The following ZNF99 variants were observed in gnomAD, a reference collection of about 807,000 sequenced individuals.
ZNF99 encodes the protein zinc finger protein ENSP00000375192.
In ZNF99, 8 loss-of-function variants were observed where a neutral mutation model predicts 12.8. The ratio of observed to expected loss-of-function variants is 0.62; its 90% CI spans 0.37 to 1.13. The LOEUF (loss-of-function observed/expected upper bound fraction) is 1.13. ZNF99 is among the 50% of genes most tolerant of loss of function. The pLI is 0.02. For synonymous variants in ZNF99, 318 were observed against 319.0 expected (o/e 1.00, Z 0.03); for missense variants, 1,007 against 1,006.2 (o/e 1.00, Z -0.01).
intron 1 of ZNF99, among the ~76,000 whole-genome samples, chr19:22,780,214 A>T (rs1446007822): frequency 6.6e-6 from 1 of 152,134 alleles, no homozygotes; most frequent in African/African-American, 2.4e-5. Flanking sequence ...TTTAATCTTC[A>T]TGTCAGAGTT....
At position 22,757,699 on chromosome 19, in the gene ZNF99, T is replaced by G. The variant is rs369540790; in HGVS notation, c.2210A>C (p.Glu737Ala). 5.6e-6 allele frequency: 9 copies of G among 1,612,168 alleles called. No individual in the cohort carries two copies. In the African/African-American group the frequency reaches 8.0e-5, roughly 14 times the overall value. Reference protein sequence around the residue: ...HTGEKPYKCEECGKAFKWSSK... With the variant: ...HTGEKPYKCEACGKAFKWSSK... ...GGACCACTTAAAAGCTTTACCACAT[T>G]CTTCACATTTGTAGGGTTTCTCTCC... is the stretch of plus-strand genomic sequence containing the variant. Residue 737 changes from glutamate to alanine, a missense_variant, in exon 4 of 4, where the codon GAA becomes GCA. Coordinates refer to ENST00000596209, the MANE Select transcript of ZNF99 (RefSeq NM_001080409.3).
At position 22,757,406 on chromosome 19, in the gene ZNF99, G is replaced by T. The variant is rs1260131914; in HGVS notation, c.2503C>A (p.His835Asn). ...AFQWSSKLTL[H>N]KVIHMERNPA... is the part of the protein sequence containing the mutation. ...TTTCTCTCCATATGAATTACCTTAT[G>T]TAAAGTAAGTTTTGAGGACCACTGA... is the stretch of plus-strand genomic sequence containing the variant. Residue 835 changes from histidine (H) to asparagine (N), a missense_variant, in exon 4 of 4, where the codon CAT becomes AAT. Transcript: ENST00000596209. 5.6e-6 allele frequency: 9 copies of T among 1,604,818 alleles called. No homozygotes were observed. Among genetic ancestry groups the T allele is most frequent in the Non-Finnish European group, 7.6e-6 (9 of 1,177,828 alleles).
intron 3 of ZNF99, among the ~76,000 whole-genome samples, chr19:22,760,055 T>C (rs568892624): frequency 6.6e-5 from 10 of 152,204 alleles, no homozygotes; most frequent in African/African-American, 2.4e-4. Context: ...CCCAGCACTT[T>C]TGGAGGCTGA....
In ZNF99 at chr19:22,784,046, TA is replaced by T; in HGVS notation, c.-31del. 6.2e-7 allele frequency: 1 copy of T among 1,613,332 alleles called. No individual in the cohort carries two copies. ...AAGCTTCCAGGGGGTCCTGGCGTCC[TA>T]GCTGTGGATCTCCAAATACCTACAG... is the stretch of plus-strand genomic sequence containing the variant. On this transcript the variant is annotated 5_prime_UTR_variant, in exon 1 of 4. Transcript: ENST00000596209.
intron 2 of ZNF99, among the ~76,000 whole-genome samples, chr19:22,768,916 C>A (rs1283481443): frequency 1.3e-5 from 2 of 151,766 alleles, no homozygotes; most frequent in Non-Finnish European, 2.9e-5. Flanking sequence ...GTAATCCCAG[C>A]TACTCAGGAG....
intron 2 of ZNF99, 92 bp downstream of exon 2, chr19:22,769,106 G>C (rs1973236965): frequency 7.4e-7 from 1 of 1,347,598 alleles, no homozygotes; most frequent in South Asian, 1.3e-5. Context: ...ACTTATTTAT[G>C]CTAAGCATAA....
At chr19:22,765,758 T>G (rs180989841) in intron 3 of ZNF99, among the ~76,000 whole-genome samples, 4 of 150,784 alleles carry the variant, frequency 2.7e-5, no homozygotes, top group Admixed American at 1.3e-4. Flanking sequence ...GCCAAGGTAG[T>G]CAGAAAACTT....
chr19:22,769,274 C>G lies in ZNF99; in HGVS notation c.54G>C (p.Trp18Cys). ...DVTIEFALEE[W>C]QCLDMAQQNL... ...TCTGCTGAGCCATGTCCAGGCATTG[C>G]CACTCCTCCAGAGCGAATTCTATGG... is the stretch of plus-strand genomic sequence containing the variant. Residue 18 changes from tryptophan (W) to cysteine (C), a missense_variant, in exon 2 of 4, where the codon TGG (tryptophan) becomes TGC (cysteine). Coordinates refer to ENST00000596209, the MANE Select transcript of ZNF99 (RefSeq NM_001080409.3). 6.2e-7 allele frequency: 1 copy of G among 1,609,722 alleles called. No homozygotes were observed. Among genetic ancestry groups the G allele is most frequent in the Non-Finnish European group, 8.5e-7 (1 of 1,177,630 alleles).
chr19:22,784,009 C>G lies in ZNF99; in HGVS notation c.3+5G>C, dbSNP rs780335519. 1.9e-6 allele frequency: 3 copies of G among 1,613,908 alleles called. No homozygotes were observed. The highest frequency in any genetic ancestry group is 2.5e-6 in the Non-Finnish European group (3 of 1,179,992). On this transcript the variant is annotated splice_donor_5th_base_variant and intron_variant, in intron 1 of 3. Transcript: ENST00000596209. ...TTCTCAGGATATCGGACCCGGCACT[C>G]TCACCATTTCTAAGCTTCCAGGGGG...
rs987921870 is a variant in ZNF99 at position 22,759,057 on chromosome 19, T to A, written c.852A>T (p.Pro284=). The A allele has an allele frequency of 1.2e-6, 2 of 1,613,326 alleles. No homozygotes were observed. The highest frequency in any genetic ancestry group is 2.2e-5 in the East Asian group (1 of 44,836). The change falls in exon 4 of 4, where the codon CCA becomes CCT. Residue 284 remains proline (P), a synonymous_variant. Transcript: ENST00000596209. Reference sequence around the variant, plus strand: ...CTTTGCCACATTCTTCACATTTATATGGTTTCTTCCCAGTATGAATTATCT... The same window carrying A: ...CTTTGCCACATTCTTCACATTTATAAGGTTTCTTCCCAGTATGAATTATCT... ...KHKIIHTGKK[P]YKCEECGKAF...
chr19:22,776,432 T>G (rs1186697267), intron 1 of ZNF99, among the ~76,000 whole-genome samples: 3 of 33,486 alleles, frequency 9.0e-5, no homozygotes, highest in Non-Finnish European at 5.6e-5. Context: ...TATATATATA[T>G]ATATATATAT....
At chr19:22,781,315 A>G (rs1245226324) in intron 1 of ZNF99, among the ~76,000 whole-genome samples, 1 of 151,344 alleles carries the variant, frequency 6.6e-6, no homozygotes, top group East Asian at 2.0e-4. Flanking sequence ...AGTGCCCAAT[A>G]ACTCCTTCTC....
chr19:22,756,263 A>T lies in ZNF99; in HGVS notation c.*1051T>A, dbSNP rs1381614368. 1 of 1,585,986 alleles carries T rather than the reference A, an allele frequency of 6.3e-7. No individual in the cohort carries two copies. The highest frequency in any genetic ancestry group is 1.5e-5 in the African/African-American group (1 of 66,076). On this transcript the variant is annotated 3_prime_UTR_variant, in exon 4 of 4. Coordinates refer to ENST00000596209, the MANE Select transcript of ZNF99 (RefSeq NM_001080409.3). ...TTTAGTAAGGGCTGAAAGATGGTTA[A>T]AAGCTTTGCCACATTCTTCACATTT...
intron 1 of ZNF99, among the ~76,000 whole-genome samples, chr19:22,778,871 G>A (rs1973356543): frequency 6.6e-6 from 1 of 152,104 alleles, no homozygotes; most frequent in African/African-American, 2.4e-5. Context: ...GCTGGGCGTG[G>A]TGGTGCCTGC....
At position 22,756,279 on chromosome 19, in the gene ZNF99, C is replaced by G. The variant is rs1303177262; in HGVS notation, c.*1035G>C. The G allele has an allele frequency of 1.3e-6, 2 of 1,568,306 alleles. No individual in the cohort carries two copies. Among genetic ancestry groups the G allele is most frequent in the East Asian group, 2.3e-5 (1 of 42,964 alleles). ...AGATGGTTAAAAGCTTTGCCACATT[C>G]TTCACATTTGTAGGTTTTCCCTCCA... is the stretch of plus-strand genomic sequence containing the variant. On this transcript the variant is annotated 3_prime_UTR_variant, in exon 4 of 4. Transcript: ENST00000596209.
intron 1 of ZNF99, among the ~76,000 whole-genome samples, chr19:22,781,253 G>C (rs1334955522): frequency 6.6e-6 from 1 of 151,952 alleles, no homozygotes; most frequent in Non-Finnish European, 1.5e-5. Flanking sequence ...CATGTGTCAA[G>C]TCAGGCCATC....
At position 22,758,000 on chromosome 19, in the gene ZNF99, T is replaced by G. The variant is rs370889861; in HGVS notation, c.1909A>C (p.Arg637=). The change falls in exon 4 of 4, where the codon AGA becomes CGA. Residue 637 remains arginine (R), a synonymous_variant. Coordinates refer to ENST00000596209, the MANE Select transcript of ZNF99 (RefSeq NM_001080409.3). ...CCAGTATGAATTATCTCATGTTTTC[T>G]AAGGGTTGAGGACTGGCTAAAAGCT... The part of the protein sequence containing the change: ...GKAFSQSSTL[R]KHEIIHTGEK... The G allele has an allele frequency of 1.9e-6, 3 of 1,611,754 alleles. No individual in the cohort carries two copies. In the African/African-American group the frequency reaches 4.0e-5, roughly 22 times the overall value.
At position 22,757,058 on chromosome 19, in the gene ZNF99, T is replaced by C; in HGVS notation, c.*256A>G. 1.2e-6 allele frequency: 2 copies of C among 1,612,830 alleles called. No individual in the cohort carries two copies. The highest frequency in any genetic ancestry group is 1.1e-5 in the South Asian group (1 of 91,042). ...ACATTTGTACGATTTCTCCCTAGTA[T>C]GAATTAGCTTATGTTTCTTAAGGGT... On this transcript the variant is annotated 3_prime_UTR_variant, in exon 4 of 4. Transcript: ENST00000596209.
At chr19:22,769,402 TGA>T in intron 1 of ZNF99, 78 bp from the exon 2 acceptor site, 2 of 1,483,960 alleles carry the variant, frequency 1.3e-6, no homozygotes, top group South Asian at 1.2e-5. Flanking sequence ...CAAGGTGAAA[TGA>T]GAGAGTAAAG....
Sources: allele counts gnomAD v4.1 joint callset (sites outside exome capture counted in the v4.1 genomes callset), GRCh38; gene constraint gnomAD v4.1.1; transcripts MANE v1.5; gene names NCBI Gene and HGNC (gene_info 2026-07-23, HGNC 2026-07-21).